The following PWWP3B variants were observed in gnomAD, a reference collection of about 807,000 sequenced individuals.
PWWP3B encodes the protein PWWP domain containing 3B.
A neutral mutation model predicts 15.7 loss-of-function variants in PWWP3B; 5 were observed. That is an observed-to-expected ratio of 0.32 (90% CI 0.17 to 0.67). The LOEUF (loss-of-function observed/expected upper bound fraction) is 0.67. Among genes scored for constraint, PWWP3B ranks in the 30% least tolerant of loss-of-function variants. The probability of loss-of-function intolerance (pLI) is 0.74; values close to 1 mark genes in which losing one functional copy is unlikely to be tolerated. For missense variants in PWWP3B, 519 were observed against 493.1 expected, an observed-to-expected ratio of 1.05 and a Z score of -0.50; for synonymous variants, 203 against 179.8, an observed-to-expected ratio of 1.13 and a Z score of -1.03.
intron 2 of PWWP3B, among the ~76,000 whole-genome samples, chrX:106,186,726 T>C (rs1922534205): frequency 9.0e-6 from 1 of 110,525 alleles, no homozygotes; most frequent in South Asian, 3.9e-4. Context: ...GAACAAAGCT[T>C]CCACAGTGTG....
intron 2 of PWWP3B, among the ~76,000 whole-genome samples, chrX:106,181,338 C>T (rs752232522): frequency 8.1e-5 from 9 of 111,680 alleles, no homozygotes; most frequent in African/African-American, 2.9e-4. Context: ...CCGCCCACGT[C>T]GTGCTGATTG....
At chrX:106,181,256 C>G (rs1404380515) in intron 2 of PWWP3B, among the ~76,000 whole-genome samples, 2 of 111,747 alleles carry the variant, frequency 1.8e-5, no homozygotes, top group Admixed American at 1.9e-4. Context: ...AAAGCTTCCA[C>G]AGCGTGGAAG....
chrX:106,206,102 G>C lies in PWWP3B; in HGVS notation c.670G>C (p.Val224Leu). The change falls in exon 4 of 4, where the codon GTC (valine) becomes CTC (leucine). Residue 224 changes from valine (V) to leucine (L), a missense_variant. Physicochemically the swap from Val to Leu is conservative, Grantham distance 32. Transcript: ENST00000357175. ...AGCAGTTATGTCTGTGCATTCTGCA[G>C]TCAAAGAGGAAAGTGCATGTGTTAA... ...ISAVMSVHSA[V>L]KEESACVKDE... 1 of 1,211,335 alleles carries C rather than the reference G, an allele frequency of 8.3e-7. No individual in the cohort carries two copies. The highest frequency in any genetic ancestry group is 2.3e-4 in the Middle Eastern group (1 of 4,354).
At chrX:106,199,118 G>T (rs1602864724) in intron 2 of PWWP3B, among the ~76,000 whole-genome samples, 1 of 102,649 alleles carries the variant, frequency 9.7e-6, no homozygotes, top group African/African-American at 3.6e-5. Context: ...GTGCTATCTT[G>T]GCTCACTGCA....
At chrX:106,176,707 T>C (rs1921919342) in intron 2 of PWWP3B, among the ~76,000 whole-genome samples, 1 of 112,352 alleles carries the variant, frequency 8.9e-6, no homozygotes, top group African/African-American at 3.2e-5. Flanking sequence ...TTGTTTCCAA[T>C]TTCAGGATAT....
intron 2 of PWWP3B, among the ~76,000 whole-genome samples, chrX:106,189,305 G>A (rs1256642236): frequency 1.8e-5 from 2 of 110,878 alleles, no homozygotes; most frequent in Non-Finnish European, 1.9e-5. Flanking sequence ...ATGTATACAT[G>A]TGCCATGTTG....
intron 2 of PWWP3B, among the ~76,000 whole-genome samples, chrX:106,184,921 G>A (rs1320392003): frequency 9.0e-6 from 1 of 111,054 alleles, no homozygotes. Context: ...CTGGGTGGGG[G>A]AGATTAGAGG....
chrX:106,188,758 T>C (rs1476947732), intron 2 of PWWP3B, among the ~76,000 whole-genome samples: 2 of 112,681 alleles, frequency 1.8e-5, no homozygotes, highest in Admixed American at 9.4e-5. Context: ...ACAAATGGAA[T>C]CATAAAGTAT....
chrX:106,176,853 G>A (rs1921927209), intron 2 of PWWP3B, among the ~76,000 whole-genome samples: 1 of 111,858 alleles, frequency 8.9e-6, no homozygotes, highest in Non-Finnish European at 1.9e-5. Flanking sequence ...TACATCATGT[G>A]CCAGGGCCAG....
At chrX:106,169,010 A>G (rs1341985753) in intron 1 of PWWP3B, among the ~76,000 whole-genome samples, 1 of 111,913 alleles carries the variant, frequency 8.9e-6, no homozygotes, top group East Asian at 2.8e-4. Flanking sequence ...TTGTACTGCA[A>G]TGGAAAAAAT....
intron 2 of PWWP3B, among the ~76,000 whole-genome samples, chrX:106,192,329 AGAGGTGTTTATAGTATTCTCT>A (rs1288755567): frequency 1.8e-5 from 2 of 111,760 alleles, no homozygotes; most frequent in African/African-American, 6.5e-5. Context: ...TTATTTGCAT[AGAGGTGTTTATAGTATTCTCT>A]GATGGTAGTT....
rs867842470 is a variant in PWWP3B at position 106,205,556 on chromosome X, C to T, written c.124C>T (p.Leu42Phe). 2.8e-5 allele frequency: 34 copies of T among 1,205,436 alleles called. 1 individual carries two copies. The Admixed American group carries it at 7.5e-4, about 27-fold the overall frequency. ...GGCATTTTCTCTAGAAGTTCAAATA[C>T]TCTCACTAGATGAAAAAATTAAATT... The part of the protein sequence containing the change: ...KKAFSLEVQI[L>F]SLDEKIKLDS... Residue 42 changes from leucine (L) to phenylalanine (F), a missense_variant, in exon 4 of 4, where the codon CTC becomes TTC. Coordinates refer to ENST00000357175, the MANE Select transcript of PWWP3B (RefSeq NM_001171020.2).
rs200360009 is a variant in PWWP3B, at chrX:106,205,522, G to A, written c.90G>A (p.Lys30=). ...GATCTGAAACTTCATCAAACAGTAA[G>A]AGGAAAAAGGCATTTTCTCTAGAAG... ...LSRSETSSNS[K]RKKAFSLEVQ... Residue 30 remains lysine (K), a synonymous_variant, in exon 4 of 4, where the codon AAG becomes AAA. Coordinates refer to ENST00000357175, the MANE Select transcript of PWWP3B (RefSeq NM_001171020.2). 8.3e-7 allele frequency: 1 copy of A among 1,202,236 alleles called. No homozygotes were observed. Among genetic ancestry groups the A allele is most frequent in the Non-Finnish European group, 1.1e-6 (1 of 890,655 alleles).
chrX:106,205,175 C>G, intron 3 of PWWP3B, 44 bp from the exon 4 acceptor site: 1 of 277,572 alleles, frequency 3.6e-6, no homozygotes, highest in African/African-American at 2.7e-5. Flanking sequence ...GCGAAATAAT[C>G]GTATTTGCTG....
chrX:106,204,566 A>G (rs777666609), intron 3 of PWWP3B, among the ~76,000 whole-genome samples: 1 of 112,121 alleles, frequency 8.9e-6, no homozygotes, highest in Non-Finnish European at 1.9e-5. Flanking sequence ...TTATGCTTTT[A>G]GAAGAGTCAT....
chrX:106,186,802 C>T (rs1922539273), intron 2 of PWWP3B, among the ~76,000 whole-genome samples: 1 of 111,486 alleles, frequency 9.0e-6, no homozygotes, highest in South Asian at 3.8e-4. Context: ...TTATTTGTCC[C>T]CATCCACATC....
intron 1 of PWWP3B, among the ~76,000 whole-genome samples, chrX:106,170,027 T>C (rs1226655137): frequency 8.9e-6 from 1 of 112,175 alleles, no homozygotes; most frequent in Non-Finnish European, 1.9e-5. Flanking sequence ...ATAGACAGAA[T>C]ATTTTAACCT....
chrX:106,172,200 T>A (rs1226370239), intron 2 of PWWP3B, among the ~76,000 whole-genome samples: 3 of 110,327 alleles, frequency 2.7e-5, no homozygotes, highest in African/African-American at 9.9e-5. Context: ...AGTGAAGGCC[T>A]AGAATATTAT....
At chrX:106,193,523 C>T (rs1181647686) in intron 2 of PWWP3B, among the ~76,000 whole-genome samples, 1 of 111,640 alleles carries the variant, frequency 9.0e-6, no homozygotes, top group Non-Finnish European at 1.9e-5. Flanking sequence ...TTAATTGGAG[C>T]ATTTAGCCCA....
Sources: gnomAD v4.1 joint callset for allele counts (sites outside exome capture counted in the v4.1 genomes callset) on GRCh38, gnomAD v4.1.1 for gene constraint, MANE v1.5 for transcripts, NCBI Gene and HGNC (gene_info 2026-07-23, HGNC 2026-07-21) for gene names.